Variants in STOML3 observed in about 807,000 individuals in gnomAD.
The protein encoded by STOML3 is stomatin like 3.
In STOML3, 31 loss-of-function variants were observed where a neutral mutation model predicts 29.5. The ratio of observed to expected loss-of-function variants is 1.05; its 90% CI spans 0.79 to 1.42. The LOEUF is 1.42. Among genes scored for constraint, STOML3 ranks in the 40% most tolerant of loss-of-function variants. STOML3 has a pLI of 0.00. For synonymous variants in STOML3, 122 were observed against 139.8 expected (o/e 0.87, Z 0.90); for missense variants, 380 against 363.0 (o/e 1.05, Z -0.38).
chr13:38,989,008 T>C (rs1414807877), intron 1 of STOML3, among the ~76,000 whole-genome samples: 1 of 146,598 alleles, frequency 6.8e-6, no homozygotes, highest in Non-Finnish European at 1.5e-5. Flanking sequence ...ATACATTATA[T>C]ACTATATTAT....
intron 1 of STOML3, among the ~76,000 whole-genome samples, chr13:38,988,089 T>A (rs183552474): frequency 0.032 from 1,883 of 58,800 alleles, 27 homozygotes; most frequent in African/African-American, 0.13. Flanking sequence ...ATTTTATATA[T>A]AATATGTTAT....
In STOML3 at chr13:38,966,625, T is replaced by G; in HGVS notation, c.*200A>C. ...ACAAAGTTGATTATGGTCCTAAAAATAAAAGTAATATACAGGTCTCATTTT... is the reference window on the plus strand; with the variant it reads ...ACAAAGTTGATTATGGTCCTAAAAAGAAAAGTAATATACAGGTCTCATTTT... On this transcript the variant is annotated 3_prime_UTR_variant, in exon 7 of 7. Transcript: ENST00000379631. 1 of 425,498 alleles carries G rather than the reference T, an allele frequency of 2.4e-6. No individual in the cohort carries two copies. Among genetic ancestry groups the G allele is most frequent in the East Asian group, 3.5e-5 (1 of 28,984 alleles). The allele number at this position is 425,498 out of a possible 1,614,324, so 26.4% of individuals were successfully genotyped here.
intron 1 of STOML3, 94 bp from the exon 2 acceptor site, chr13:38,976,891 C>A: frequency 9.5e-7 from 1 of 1,049,308 alleles, no homozygotes; most frequent in Non-Finnish European, 1.4e-6. Context: ...GACAGCTGGC[C>A]AAGCCTGATG....
At chr13:38,981,343 A>T (rs1881261417) in intron 1 of STOML3, among the ~76,000 whole-genome samples, 1 of 152,174 alleles carries the variant, frequency 6.6e-6, no homozygotes, top group Admixed American at 6.5e-5. Flanking sequence ...TTTACACCAG[A>T]GGAGATTAAA....
intron 3 of STOML3, among the ~76,000 whole-genome samples, chr13:38,975,100 C>T (rs61945553): frequency 0.011 from 1,701 of 152,094 alleles, 15 homozygotes; most frequent in Non-Finnish European, 0.017. Context: ...GAGGTCGAGA[C>T]GGGCGGATCA....
intron 3 of STOML3, among the ~76,000 whole-genome samples, chr13:38,973,729 A>G (rs548541899): frequency 3.2e-4 from 48 of 152,342 alleles, no homozygotes; most frequent in African/African-American, 1.0e-3. Context: ...TATACAGACT[A>G]AAGTGTTTAG....
intron 1 of STOML3, chr13:38,980,251 C>CTGTGAG: frequency 1.0e-6 from 1 of 958,302 alleles, no homozygotes; most frequent in Non-Finnish European, 1.5e-6. Flanking sequence ...GTCTCATTAG[C>CTGTGAG]TGCCAGTTAA....
At chr13:38,984,015 G>T (rs938028970) in intron 1 of STOML3, among the ~76,000 whole-genome samples, 5 of 152,058 alleles carry the variant, frequency 3.3e-5, no homozygotes, top group African/African-American at 1.2e-4. Flanking sequence ...AGGCCCTGGA[G>T]GCATCCCCCC....
intron 1 of STOML3, among the ~76,000 whole-genome samples, chr13:38,986,042 T>G (rs1868523133): frequency 1.4e-5 from 2 of 147,904 alleles, no homozygotes; most frequent in South Asian, 2.1e-4. Context: ...CTGGTTTTTT[T>G]TTTTTTTTTT....
At position 38,966,796 on chromosome 13, in the gene STOML3, A is replaced by G. The variant is rs1423129751; in HGVS notation, c.*29T>C. ...TCCATAGGAATAGACACCACTCTCT[A>G]TGCAATAGCTGACTACCGCAAGAGG... On this transcript the variant is annotated 3_prime_UTR_variant, in exon 7 of 7. Transcript: ENST00000379631. 1.7e-5 allele frequency: 27 copies of G among 1,581,790 alleles called. No homozygotes were observed. Among genetic ancestry groups the G allele is most frequent in the African/African-American group, 2.7e-5 (2 of 74,242 alleles).
intron 1 of STOML3, among the ~76,000 whole-genome samples, chr13:38,978,086 G>A (rs1386094715): frequency 1.3e-5 from 2 of 151,756 alleles, no homozygotes; most frequent in Middle Eastern, 3.2e-3. Flanking sequence ...AAAATAAGCA[G>A]GTCTGGCTGA....
At chr13:38,981,857 T>G (rs1319117859) in intron 1 of STOML3, among the ~76,000 whole-genome samples, 1 of 152,180 alleles carries the variant, frequency 6.6e-6, no homozygotes, top group African/African-American at 2.4e-5. Flanking sequence ...TATTTGGAAG[T>G]GTCTACTAAA....
rs1441201134 is a variant in STOML3 at position 38,976,744 on chromosome 13, A to G, written c.106T>C (p.Phe36Leu). Residue 36 changes from phenylalanine (F) to leucine (L), a missense_variant, in exon 2 of 7, where the codon TTC becomes CTC. Phe to Leu is a conservative substitution (Grantham distance 22, BLOSUM62 0). Transcript: ENST00000379631. ...VCGWILFSLS[F>L]LLVIITFPIS... ...GGGAAGGTAATGATCACCAACAGGA[A>G]AGAGAGGGAAAACAGGATCCAGCCA... 6.2e-7 allele frequency: 1 copy of G among 1,614,114 alleles called. No homozygotes were observed. Among genetic ancestry groups the G allele is most frequent in the Non-Finnish European group, 8.5e-7 (1 of 1,180,006 alleles).
intron 3 of STOML3, among the ~76,000 whole-genome samples, chr13:38,975,873 T>C (rs1881056004): frequency 6.6e-6 from 1 of 152,136 alleles, no homozygotes; most frequent in African/African-American, 2.4e-5. Context: ...GAATATTTTC[T>C]TTTTCAAGGT....
chr13:38,990,586 T>TA (rs1868962749), intron 1 of STOML3, 84 bp downstream of exon 1: 1 of 1,364,718 alleles, frequency 7.3e-7, no homozygotes, highest in Admixed American at 1.9e-5. Flanking sequence ...ATCTCATACT[T>TA]ACTCTATACC....
chr13:38,979,299 G>C lies in STOML3; in HGVS notation c.53-2502C>G, dbSNP rs535138359. The stretch of plus-strand genomic sequence containing the variant: ...AGAATCTTTGTCAAATTTTATTAGT[G>C]CTTTTTTAGTATTCATGACAGAGCC... On this transcript the variant is annotated intron_variant, in intron 1 of 6. Transcript: ENST00000379631. 5.3e-5 allele frequency among the ~76,000 whole-genome samples: 8 copies of C among 152,178 alleles called. No individual in the cohort carries two copies. The South Asian group carries it at 1.7e-3, about 32-fold the overall frequency.
At chr13:38,980,062 G>T (rs141847604) in intron 1 of STOML3, 2 of 1,551,636 alleles carry the variant, frequency 1.3e-6, no homozygotes, top group South Asian at 1.2e-5. Context: ...CTACAAGCTC[G>T]CCTCTGGAGT....
chr13:38,972,567 T>C lies in STOML3; in HGVS notation c.257A>G (p.Asp86Gly), dbSNP rs1335752287. Residue 86 changes from aspartate (D) to glycine (G), a missense_variant, in exon 4 of 7, where the codon GAT becomes GGT. By Grantham distance (94) the Asp-to-Gly change is moderately conservative. Coordinates refer to ENST00000379631, the MANE Select transcript of STOML3 (RefSeq NM_145286.3). The stretch of plus-strand genomic sequence containing the variant: ...TCGGAGGTCAACTTTGACAAACACA[T>C]CTATGCATGGCAGGACCAGGATCAA... ...PGLILVLPCI[D>G]VFVKVDLRTV... 1 of 1,613,940 alleles carries C rather than the reference T, an allele frequency of 6.2e-7. No homozygotes were observed. Among genetic ancestry groups the C allele is most frequent in the Non-Finnish European group, 8.5e-7 (1 of 1,179,970 alleles).
chr13:38,982,395 A>C (rs1053554443), intron 1 of STOML3, among the ~76,000 whole-genome samples: 1 of 151,720 alleles, frequency 6.6e-6, no homozygotes, highest in Admixed American at 6.6e-5. Context: ...CCTCTTTGAG[A>C]TTTAAATCTT....
Sources: gnomAD v4.1 joint callset for allele counts (sites outside exome capture counted in the v4.1 genomes callset) on GRCh38, gnomAD v4.1.1 for gene constraint, MANE v1.5 for transcripts, NCBI Gene and HGNC (gene_info 2026-07-23, HGNC 2026-07-21) for gene names.